SCIMP: variants seen among roughly 807,000 people sequenced by gnomAD.
SCIMP encodes the protein SLP adapter and CSK-interacting membrane protein.
SCIMP carries 18 observed loss-of-function variants against 22.0 expected under a neutral mutation model. The observed-to-expected ratio is 0.82, with a 90% confidence interval of 0.56 to 1.21. The LOEUF is 1.21. Among genes scored for constraint, SCIMP ranks in the 50% most tolerant of loss-of-function variants. SCIMP has a pLI of 0.00. For missense variants in SCIMP, 155 were observed against 171.2 expected, an observed-to-expected ratio of 0.91 and a Z score of 0.53; for synonymous variants, 53 against 62.2, an observed-to-expected ratio of 0.85 and a Z score of 0.70.
At chr17:5,232,378 A>ATAAACAGTGCAGTG (rs76708943) in intron 1 of SCIMP, among the ~76,000 whole-genome samples, 100,803 of 138,220 alleles carry the variant, frequency 0.73, 39,978 homozygotes, top group Non-Finnish European at 0.84. Context: ...ACAGTGCAGT[A>ATAAACAGTGCAGTG]TAAACAGTGC....
chr17:5,210,676 A>C lies in SCIMP; in HGVS notation c.*125T>G. ...GTTTGGGAAGTGCTTTATCTTATAG[A>C]GCTTCATAAAATCACCACTGGCTTT... On this transcript the variant is annotated 3_prime_UTR_variant, in exon 5 of 5. Transcript: ENST00000574081. The C allele has an allele frequency of 2.3e-6, 3 of 1,289,958 alleles. No homozygotes were observed. Among genetic ancestry groups the C allele is most frequent in the Non-Finnish European group, 3.2e-6 (3 of 942,028 alleles). 79.9% of individuals were successfully genotyped at this position (1,289,958 alleles called of 1,614,324 possible).
chr17:5,227,294 C>A (rs11656276), intron 1 of SCIMP, among the ~76,000 whole-genome samples: 15 of 105,476 alleles, frequency 1.4e-4, no homozygotes, highest in Admixed American at 5.3e-4. Context: ...ACACACACAA[C>A]ACACACACAC....
At chr17:5,225,496 C>T (rs942296988) in intron 1 of SCIMP, among the ~76,000 whole-genome samples, 3 of 152,102 alleles carry the variant, frequency 2.0e-5, no homozygotes, top group Non-Finnish European at 4.4e-5. Context: ...TGCAGTGGCT[C>T]ACGCCTGTAA....
chr17:5,221,377 A>G (rs560025272), intron 2 of SCIMP, 27 bp from the exon 3 acceptor site: 1 of 1,569,340 alleles, frequency 6.4e-7, no homozygotes, highest in Non-Finnish European at 8.8e-7. Context: ...ATGTTCATTG[A>G]AGAAGAATTA....
intron 2 of SCIMP, 63 bp downstream of exon 2, chr17:5,223,270 G>A (rs768754322): frequency 6.4e-7 from 1 of 1,573,236 alleles, no homozygotes; most frequent in South Asian, 1.1e-5. Flanking sequence ...CCCTAAAGGA[G>A]CTCTACTGCA....
chr17:5,212,812 G>A (rs927046781), intron 4 of SCIMP, among the ~76,000 whole-genome samples: 7 of 152,136 alleles, frequency 4.6e-5, no homozygotes, highest in Non-Finnish European at 8.8e-5. Context: ...TGAGCCTCAC[G>A]CCCTGTTCTA....
chr17:5,227,980 C>T (rs1304645192), intron 1 of SCIMP, among the ~76,000 whole-genome samples: 1 of 152,118 alleles, frequency 6.6e-6, no homozygotes, highest in Non-Finnish European at 1.5e-5. Context: ...CAAGACCAGC[C>T]TGGCCAACAT....
intron 2 of SCIMP, among the ~76,000 whole-genome samples, chr17:5,222,430 C>T (rs947870085): frequency 3.9e-5 from 6 of 151,950 alleles, no homozygotes; most frequent in African/African-American, 1.5e-4. Flanking sequence ...AGATAACACG[C>T]CATTGAATTA....
At chr17:5,215,512 G>T (rs957840480) in intron 3 of SCIMP, among the ~76,000 whole-genome samples, 1 of 152,148 alleles carries the variant, frequency 6.6e-6, no homozygotes, top group African/African-American at 2.4e-5. Context: ...TATTCGGGAG[G>T]CTGAGGCAGG....
chr17:5,222,092 G>GTTT (rs35908136), intron 2 of SCIMP, among the ~76,000 whole-genome samples: 2 of 138,144 alleles, frequency 1.4e-5, no homozygotes, highest in Non-Finnish European at 3.1e-5. Flanking sequence ...ATGAAAACTT[G>GTTT]TTTTTTTTTT....
chr17:5,233,009 G>A (rs928296979), intron 1 of SCIMP, among the ~76,000 whole-genome samples: 4 of 152,046 alleles, frequency 2.6e-5, no homozygotes, highest in Admixed American at 1.3e-4. Flanking sequence ...ACTGAGCCTC[G>A]CTCCACTTGT....
intron 4 of SCIMP, among the ~76,000 whole-genome samples, chr17:5,212,557 T>C (rs955864916): frequency 1.3e-5 from 2 of 151,914 alleles, no homozygotes; most frequent in African/African-American, 4.8e-5. Flanking sequence ...TGGCATGAAC[T>C]CGGGAGGTGG....
chr17:5,233,615 C>T (rs985192423), intron 1 of SCIMP, among the ~76,000 whole-genome samples: 1 of 152,120 alleles, frequency 6.6e-6, no homozygotes, highest in Non-Finnish European at 1.5e-5. Flanking sequence ...TTGTGATCTG[C>T]CCACCTTGGC....
chr17:5,232,564 G>A (rs766459197), intron 1 of SCIMP, among the ~76,000 whole-genome samples: 8 of 152,210 alleles, frequency 5.3e-5, no homozygotes, highest in South Asian at 2.1e-4. Context: ...ATGAGGGTTC[G>A]AACTAATCTC....
intron 1 of SCIMP, among the ~76,000 whole-genome samples, chr17:5,233,373 AGTTTGTTT>A (rs10692963): frequency 6.6e-6 from 1 of 151,108 alleles, no homozygotes; most frequent in African/African-American, 2.4e-5. Flanking sequence ...GCCTCTCAGT[AGTTTGTTT>A]GTTTGTTTTT....
At chr17:5,211,039 C>T (rs2074522844) in intron 4 of SCIMP, 84 bp from the exon 5 acceptor site, 5 of 1,512,564 alleles carry the variant, frequency 3.3e-6, no homozygotes, top group South Asian at 1.4e-5. Context: ...GTGATTTTCA[C>T]GTTTCAGTGA....
At chr17:5,220,516 A>C (rs1001428954) in intron 3 of SCIMP, among the ~76,000 whole-genome samples, 1 of 151,544 alleles carries the variant, frequency 6.6e-6, no homozygotes, top group Non-Finnish European at 1.5e-5. Context: ...AGGCGGGTGG[A>C]TCACAAGGTC....
Position 5,210,885 on chromosome 17 carries a change from A to G in SCIMP, c.354T>C (p.Thr118=). ...GCTCAATGTAGCTTGGGATGGAAACAGTCTTCTTATTTTTAACTTTATTTA... is the reference window on the plus strand; with the variant it reads ...GCTCAATGTAGCTTGGGATGGAAACGGTCTTCTTATTTTTAACTTTATTTA... ...SLVNKVKNKK[T]VSIPSYIEPE... is the part of the protein sequence containing the mutation. The change falls in exon 5 of 5, where the codon ACT becomes ACC. Residue 118 remains threonine (T), a synonymous_variant. Coordinates refer to ENST00000574081, the MANE Select transcript of SCIMP (RefSeq NM_207103.3). The G allele has an allele frequency of 1.2e-5, 19 of 1,614,160 alleles. No individual in the cohort carries two copies. Among genetic ancestry groups the G allele is most frequent in the Non-Finnish European group, 1.5e-5 (18 of 1,180,030 alleles).
At chr17:5,221,127 C>G in intron 3 of SCIMP, 160 bp downstream of exon 3, 5 of 714,254 alleles carry the variant, frequency 7.0e-6, no homozygotes, top group Non-Finnish European at 1.3e-5. Context: ...TGTCCTGAGT[C>G]TCTGCCCTTA....
Sources: gnomAD v4.1 joint callset for allele counts (sites outside exome capture counted in the v4.1 genomes callset) on GRCh38, gnomAD v4.1.1 for gene constraint, MANE v1.5 for transcripts, NCBI Gene and HGNC (gene_info 2026-07-23, HGNC 2026-07-21) for gene names.